The following SESN1 variants were observed in gnomAD, a reference collection of about 807,000 sequenced individuals.
SESN1 encodes the protein sestrin-1.
A neutral mutation model predicts 59.3 loss-of-function variants in SESN1; 30 were observed. That is an observed-to-expected ratio of 0.51 (90% CI 0.38 to 0.69). The LOEUF (loss-of-function observed/expected upper bound fraction) is 0.69, where lower values mean the gene tolerates loss of function less well. Ranked by LOEUF, SESN1 falls within the 30% of genes least tolerant of loss-of-function variation. SESN1 has a pLI of 0.00. For missense variants in SESN1, 566 were observed against 673.0 expected (o/e 0.84, Z 1.76); for synonymous variants, 197 against 219.9 (o/e 0.90, Z 0.92).
In SESN1 at chr6:108,988,619, G is replaced by A; in HGVS notation, c.1493C>T (p.Thr498Ile). Residue 498 changes from threonine to isoleucine, a missense_variant, in exon 9 of 10, where the codon ACT becomes ATT. Thr to Ile is a moderately conservative substitution (Grantham distance 89). Coordinates refer to ENST00000436639, the MANE Select transcript of SESN1 (RefSeq NM_014454.3). ...AACCTTTTCAGGAGTGCAAACAACA[G>A]TTTTGATATAAACTTTAAAGCTACG... The part of the protein sequence containing the change: ...LDRSFKVYIK[T>I]VVCTPEKVTK... 1 of 1,612,888 alleles carries A rather than the reference G, an allele frequency of 6.2e-7. No individual in the cohort carries two copies. The highest frequency in any genetic ancestry group is 8.5e-7 in the Non-Finnish European group (1 of 1,179,350).
intron 1 of SESN1, among the ~76,000 whole-genome samples, chr6:109,017,222 A>T (rs2114361744): frequency 6.6e-6 from 1 of 152,218 alleles, no homozygotes; most frequent in Non-Finnish European, 1.5e-5. Flanking sequence ...TTAACAGAAA[A>T]CTTGATACTA....
intron 1 of SESN1, among the ~76,000 whole-genome samples, chr6:109,091,607 G>A (rs1781319174): frequency 6.6e-6 from 1 of 152,004 alleles, no homozygotes; most frequent in African/African-American, 2.4e-5. Context: ...CCTTTACATG[G>A]GTAATATTTA....
At chr6:108,996,216 C>T (rs1038704363) in intron 5 of SESN1, among the ~76,000 whole-genome samples, 1 of 152,186 alleles carries the variant, frequency 6.6e-6, no homozygotes, top group African/African-American at 2.4e-5. Flanking sequence ...TATTAAGAGA[C>T]AATCTATATC....
chr6:109,022,327 G>A (rs1780024282), intron 1 of SESN1, among the ~76,000 whole-genome samples: 1 of 147,560 alleles, frequency 6.8e-6, no homozygotes, highest in South Asian at 2.2e-4. Flanking sequence ...TATGATTCCA[G>A]AAGCAGGGCA....
At chr6:109,065,337 C>A (rs1336776836) in intron 1 of SESN1, among the ~76,000 whole-genome samples, 5 of 152,082 alleles carry the variant, frequency 3.3e-5, no homozygotes, top group African/African-American at 1.2e-4. Flanking sequence ...TTAGTTTCTT[C>A]TTTTCCTGTT....
At chr6:109,090,363 G>A (rs1014438919) in intron 1 of SESN1, among the ~76,000 whole-genome samples, 12 of 152,154 alleles carry the variant, frequency 7.9e-5, no homozygotes, top group Non-Finnish European at 1.6e-4. Flanking sequence ...CAACAAGGGG[G>A]TTAGGGGGCC....
intron 1 of SESN1, chr6:109,009,306 G>C: frequency 7.0e-7 from 1 of 1,422,206 alleles, no homozygotes; most frequent in South Asian, 1.4e-5. Context: ...AGCTCGGCCG[G>C]GTGCCCACCC....
intron 1 of SESN1, among the ~76,000 whole-genome samples, chr6:109,016,939 T>C (rs1449984412): frequency 1.3e-5 from 2 of 152,108 alleles, no homozygotes; most frequent in African/African-American, 2.4e-5. Context: ...TTGGAGAGGG[T>C]AACACTCTTA....
chr6:109,077,038 T>C (rs985867101), intron 1 of SESN1, among the ~76,000 whole-genome samples: 5 of 152,214 alleles, frequency 3.3e-5, no homozygotes, highest in African/African-American at 7.2e-5. Context: ...GGACTGAATA[T>C]TGTAGGCAGT....
intron 1 of SESN1, among the ~76,000 whole-genome samples, chr6:109,023,838 AAAT>A (rs141852184): frequency 0.1 from 15,192 of 152,248 alleles, 916 homozygotes; most frequent in Middle Eastern, 0.19. Flanking sequence ...TTACATTGTC[AAAT>A]AATCATTATT....
chr6:109,040,244 C>T (rs891227719), intron 1 of SESN1, among the ~76,000 whole-genome samples: 1 of 152,144 alleles, frequency 6.6e-6, no homozygotes, highest in Non-Finnish European at 1.5e-5. Context: ...TCTAGTTTGG[C>T]AAGTCTCCTC....
intron 1 of SESN1, among the ~76,000 whole-genome samples, chr6:109,045,265 C>T (rs1391968862): frequency 1.3e-5 from 2 of 151,632 alleles, no homozygotes; most frequent in Non-Finnish European, 2.9e-5. Flanking sequence ...CTCCCAACCC[C>T]ATCAAAACAG....
intron 1 of SESN1, among the ~76,000 whole-genome samples, chr6:109,023,695 T>C (rs1780043993): frequency 6.6e-6 from 1 of 152,162 alleles, no homozygotes; most frequent in Non-Finnish European, 1.5e-5. Context: ...TGTTACAGGC[T>C]TTGCACATAG....
intron 8 of SESN1, among the ~76,000 whole-genome samples, chr6:108,989,084 C>T (rs903414816): frequency 3.9e-5 from 6 of 152,154 alleles, no homozygotes; most frequent in African/African-American, 1.4e-4. Context: ...CTTATTGCAA[C>T]CTCTGCTTCC....
chr6:109,014,421 G>A (rs1357972550), intron 1 of SESN1, among the ~76,000 whole-genome samples: 1 of 152,156 alleles, frequency 6.6e-6, no homozygotes, highest in Non-Finnish European at 1.5e-5. Context: ...TATAAAACTT[G>A]TAAAATTCAG....
chr6:109,000,610 C>T lies in SESN1; in HGVS notation c.610G>A (p.Gly204Ser), dbSNP rs773524051. ...NLHVNDFLHVGGDPKWLNGLE... is the reference protein window; with the variant it reads ...NLHVNDFLHVSGDPKWLNGLE... The stretch of plus-strand genomic sequence containing the variant: ...CCATTGAGCCACTTGGGGTCCCCAC[C>T]AACATGAAGGAAATCATTTACATGC... Residue 204 changes from glycine to serine, a missense_variant, in exon 4 of 10, where the codon GGT becomes AGT. Physicochemically the swap from Gly to Ser is moderately conservative, Grantham distance 56 (BLOSUM62 0). Coordinates refer to ENST00000436639, the MANE Select transcript of SESN1 (RefSeq NM_014454.3). 1.2e-6 allele frequency: 2 copies of T among 1,611,814 alleles called. No individual in the cohort carries two copies. The highest frequency in any genetic ancestry group is 1.7e-5 in the Admixed American group (1 of 59,826).
chr6:109,024,186 A>G (rs1030749584), intron 1 of SESN1, among the ~76,000 whole-genome samples: 1 of 152,238 alleles, frequency 6.6e-6, no homozygotes, highest in African/African-American at 2.4e-5. Context: ...TATTCAGTGG[A>G]AAACCCTTCA....
At chr6:109,040,927 C>A (rs1780330255) in intron 1 of SESN1, among the ~76,000 whole-genome samples, 1 of 151,982 alleles carries the variant, frequency 6.6e-6, no homozygotes, top group African/African-American at 2.4e-5. Context: ...GCTGGGATTA[C>A]AGGCGTGAGC....
At chr6:109,024,425 T>C (rs900773545) in intron 1 of SESN1, among the ~76,000 whole-genome samples, 1 of 152,160 alleles carries the variant, frequency 6.6e-6, no homozygotes, top group Non-Finnish European at 1.5e-5. Context: ...CCATTTTCTA[T>C]AAGGGTAATG....
Sources: gnomAD v4.1 joint callset for allele counts (sites outside exome capture counted in the v4.1 genomes callset) on GRCh38, gnomAD v4.1.1 for gene constraint, MANE v1.5 for transcripts, NCBI Gene and HGNC (gene_info 2026-07-23, HGNC 2026-07-21) for gene names.